Variants in CDH13 observed in about 807,000 individuals in gnomAD.
CDH13 encodes the protein cadherin 13, also known as cadherin-13.
A neutral mutation model predicts 63.8 loss-of-function variants in CDH13; 24 were observed. That is an observed-to-expected ratio of 0.38 (90% confidence interval 0.27 to 0.53). The LOEUF (loss-of-function observed/expected upper bound fraction) is 0.53. Ranked by LOEUF, CDH13 falls within the 20% of genes least tolerant of loss-of-function variation. The probability of loss-of-function intolerance (pLI) is 0.85; values close to 1 mark genes in which losing one functional copy is unlikely to be tolerated. For missense variants in CDH13, 1,049 were observed against 903.1 expected (o/e 1.16, Z -2.07); for synonymous variants, 503 against 355.3 (o/e 1.42, Z -4.67).
intron 4 of CDH13, among the ~76,000 whole-genome samples, chr16:83,133,025 A>G (rs1355632587): frequency 6.6e-6 from 1 of 152,168 alleles, no homozygotes; most frequent in Non-Finnish European, 1.5e-5. Flanking sequence ...CCCATGGAAC[A>G]TTGACATTAT....
intron 6 of CDH13, among the ~76,000 whole-genome samples, chr16:83,422,647 C>T (rs1276452055): frequency 1.3e-5 from 2 of 152,192 alleles, no homozygotes; most frequent in East Asian, 3.8e-4. Flanking sequence ...GGTTGTGACA[C>T]TGCTGCTAAA....
chr16:83,386,300 A>G (rs1416416026), intron 6 of CDH13, among the ~76,000 whole-genome samples: 1 of 152,204 alleles, frequency 6.6e-6, no homozygotes, highest in African/African-American at 2.4e-5. Flanking sequence ...CAAAACCAGC[A>G]TCAGGACATT....
intron 2 of CDH13, among the ~76,000 whole-genome samples, chr16:82,948,413 C>T (rs929361513): frequency 6.6e-5 from 10 of 152,134 alleles, no homozygotes; most frequent in African/African-American, 2.4e-4. Flanking sequence ...CAATAGATTT[C>T]TCTTCTTCCC....
intron 5 of CDH13, among the ~76,000 whole-genome samples, chr16:83,247,710 G>C (rs933760996): frequency 1.1e-4 from 16 of 152,104 alleles, no homozygotes; most frequent in African/African-American, 3.9e-4. Context: ...ACAGGAATTG[G>C]CTTTCACCAT....
intron 5 of CDH13, among the ~76,000 whole-genome samples, chr16:83,318,941 C>CA (rs946806033): frequency 5.2e-4 from 78 of 150,752 alleles, no homozygotes; most frequent in Non-Finnish European, 9.5e-4. Flanking sequence ...GAGTAAAAAA[C>CA]AAAAAAAGCA....
chr16:83,746,849 T>C (rs1912631173), intron 10 of CDH13, among the ~76,000 whole-genome samples: 1 of 152,228 alleles, frequency 6.6e-6, no homozygotes, highest in Admixed American at 6.5e-5. Flanking sequence ...ATAAGACTAT[T>C]ATTTCTTACT....
intron 5 of CDH13, among the ~76,000 whole-genome samples, chr16:83,337,398 C>A (rs1202614413): frequency 6.6e-6 from 1 of 152,050 alleles, no homozygotes; most frequent in Non-Finnish European, 1.5e-5. Flanking sequence ...GGAGTTGAGC[C>A]CCTTTTTTCC....
chr16:83,506,277 T>C (rs963896527), intron 7 of CDH13, among the ~76,000 whole-genome samples: 1 of 152,116 alleles, frequency 6.6e-6, no homozygotes, highest in African/African-American at 2.4e-5. Context: ...GCCACTGATC[T>C]CTCTGGGGGT....
intron 1 of CDH13, among the ~76,000 whole-genome samples, chr16:82,803,210 G>A (rs2036958841): frequency 6.6e-6 from 1 of 152,210 alleles, no homozygotes; most frequent in African/African-American, 2.4e-5. Context: ...TGTAAGATGT[G>A]TAGTCCATGG....
intron 3 of CDH13, among the ~76,000 whole-genome samples, chr16:83,041,192 T>G (rs1917302195): frequency 6.6e-6 from 1 of 152,210 alleles, no homozygotes. Context: ...TTGCTTCAAT[T>G]AAATGCAAAA....
At chr16:83,747,409 G>A (rs527471387) in intron 10 of CDH13, among the ~76,000 whole-genome samples, 6 of 152,224 alleles carry the variant, frequency 3.9e-5, no homozygotes, top group South Asian at 2.1e-4. Flanking sequence ...CTGCCACCAC[G>A]TAAGACATGC....
At chr16:82,842,149 T>TATATATATATATATACATAC (rs2039059334) in intron 1 of CDH13, among the ~76,000 whole-genome samples, 1 of 37,612 alleles carries the variant, frequency 2.7e-5, no homozygotes, top group African/African-American at 7.6e-5. Flanking sequence ...CACATATATA[T>TATATATATATATATACATAC]ATATATATAT....
Position 83,401,653 on chromosome 16 carries a change from T to C in CDH13, c.781+56647T>C, listed in dbSNP as rs543963790. ...GTATATACCAGTAATATTCCCATTT[T>C]ATGGACAAAAAAAAGAGAAAAAAAA... On this transcript the variant is annotated intron_variant, in intron 6 of 13. Coordinates refer to ENST00000567109, the MANE Select transcript of CDH13 (RefSeq NM_001257.5). Among the ~76,000 whole-genome samples the C allele has an allele frequency of 2.0e-5, 3 of 150,756 alleles. No individual in the cohort carries two copies. The East Asian group carries it at 5.9e-4, about 30-fold the overall frequency.
Position 82,784,996 on chromosome 16 carries a change from G to A in CDH13, c.46-73366G>A, listed in dbSNP as rs529258514. ...TCATCTTCCTGGACTCAGACAGTTA[G>A]GGCTACTCCTTAGCAGTAGTGGGGG... is the stretch of plus-strand genomic sequence containing the variant. On this transcript the variant is annotated intron_variant, in intron 1 of 13. Coordinates refer to ENST00000567109, the MANE Select transcript of CDH13 (RefSeq NM_001257.5). 1.2e-4 allele frequency among the ~76,000 whole-genome samples: 19 copies of A among 152,290 alleles called. No individual in the cohort carries two copies. The South Asian group carries it at 3.5e-3, about 28-fold the overall frequency.
intron 9 of CDH13, among the ~76,000 whole-genome samples, chr16:83,677,130 C>T (rs968543458): frequency 2.6e-5 from 4 of 152,210 alleles, no homozygotes; most frequent in African/African-American, 9.6e-5. Flanking sequence ...AAATGTCTCC[C>T]CATGCACCGC....
chr16:83,161,124 G>T (rs1041968444), intron 4 of CDH13, among the ~76,000 whole-genome samples: 1 of 152,124 alleles, frequency 6.6e-6, no homozygotes, highest in Admixed American at 6.5e-5. Flanking sequence ...TTGAATTTTT[G>T]ATATCATTTG....
chr16:82,884,065 C>G (rs1025261200), intron 2 of CDH13: 1 of 390,566 alleles, frequency 2.6e-6, no homozygotes. Context: ...CACTTAAAAC[C>G]AATAATGAAG....
chr16:82,794,846 C>T (rs961364217), intron 1 of CDH13, among the ~76,000 whole-genome samples: 4 of 152,158 alleles, frequency 2.6e-5, no homozygotes, highest in African/African-American at 9.7e-5. Flanking sequence ...GCCTGAATTC[C>T]TCTCACAGAA....
chr16:83,484,804 G>A (rs1464507038), intron 6 of CDH13, among the ~76,000 whole-genome samples: 1 of 152,138 alleles, frequency 6.6e-6, no homozygotes, highest in Admixed American at 6.5e-5. Context: ...TCACAAAAAT[G>A]GTATCACTAT....
Sources: gnomAD v4.1 joint callset for allele counts (sites outside exome capture counted in the v4.1 genomes callset) on GRCh38, gnomAD v4.1.1 for gene constraint, MANE v1.5 for transcripts, NCBI Gene and HGNC (gene_info 2026-07-23, HGNC 2026-07-21) for gene names.